Variants in ZCCHC7 observed in about 807,000 individuals in gnomAD.
ZCCHC7 encodes the protein zinc finger CCHC-type containing 7.
Under a neutral mutation model 52.0 loss-of-function variants are expected in ZCCHC7, and 35 were observed. The observed-to-expected ratio is 0.67, with a 90% confidence interval of 0.51 to 0.89. ZCCHC7 has a LOEUF of 0.89. Ranked by LOEUF, ZCCHC7 falls within the 40% of genes least tolerant of loss-of-function variation. The probability of loss-of-function intolerance (pLI) is 0.00; values close to 1 mark genes in which losing one functional copy is unlikely to be tolerated. For missense variants in ZCCHC7, 574 were observed against 649.1 expected (o/e 0.88, Z 1.26); for synonymous variants, 217 against 221.5 (o/e 0.98, Z 0.18).
At chr9:37,352,511 C>CTTTTTTTTTTTTTTTTTTTTTTTTTTTTT (rs869266535) in intron 7 of ZCCHC7, among the ~76,000 whole-genome samples, 5 of 81,576 alleles carry the variant, frequency 6.1e-5, no homozygotes, top group South Asian at 5.1e-4. Flanking sequence ...ACAATTTGCT[C>CTTTTTTTTTTTTTTTTTTTTTTTTTTTTT]TTTTTTTTTT....
chr9:37,128,460 A>G (rs770240491), intron 2 of ZCCHC7, among the ~76,000 whole-genome samples: 6 of 152,214 alleles, frequency 3.9e-5, no homozygotes, highest in Non-Finnish European at 8.8e-5. Flanking sequence ...TATTTTGAAG[A>G]TGACAACCTG....
At chr9:37,287,689 A>G (rs977952261) in intron 2 of ZCCHC7, among the ~76,000 whole-genome samples, 1 of 152,190 alleles carries the variant, frequency 6.6e-6, no homozygotes. Context: ...TTACACACAA[A>G]AAAGTACCTT....
Position 37,327,790 on chromosome 9 carries a change from A to G in ZCCHC7, c.952-9A>G, listed in dbSNP as rs1410850049. The G allele has an allele frequency of 1.9e-6, 3 of 1,612,788 alleles. No homozygotes were observed. Among genetic ancestry groups the G allele is most frequent in the African/African-American group, 2.7e-5 (2 of 74,838 alleles). On this transcript the variant is annotated splice_polypyrimidine_tract_variant and intron_variant, in intron 5 of 8. Coordinates refer to ENST00000336755, the MANE Select transcript of ZCCHC7 (RefSeq NM_032226.3). Reference sequence around the variant, plus strand: ...ATGCTCCCAGCTGATCAATATTTTTATTTTCCAGGCTTGCACAGAAATCTG... The same window carrying G: ...ATGCTCCCAGCTGATCAATATTTTTGTTTTCCAGGCTTGCACAGAAATCTG...
rs561504056 is a variant in ZCCHC7, at chr9:37,237,619, C to G, written c.611-64569C>G. On this transcript the variant is annotated intron_variant, in intron 2 of 8. Transcript: ENST00000336755. ...ATTTTCACACAATGGTCACTTAGTT[C>G]AAATAATTCATAAATTTTTGGCATC... is the stretch of plus-strand genomic sequence containing the variant. 4.6e-5 allele frequency among the ~76,000 whole-genome samples: 7 copies of G among 152,266 alleles called. No homozygotes were observed. In the East Asian group the frequency reaches 1.2e-3, roughly 25 times the overall value.
chr9:37,220,226 A>G (rs1222159762), intron 2 of ZCCHC7, among the ~76,000 whole-genome samples: 1 of 152,150 alleles, frequency 6.6e-6, no homozygotes, highest in Non-Finnish European at 1.5e-5. Context: ...TTAGACTGTT[A>G]AGATTGGTGG....
chr9:37,207,662 G>A (rs1271336521), intron 2 of ZCCHC7, among the ~76,000 whole-genome samples: 1 of 150,970 alleles, frequency 6.6e-6, no homozygotes, highest in Non-Finnish European at 1.5e-5. Flanking sequence ...TCGATTTTCT[G>A]TTTGTCGGAT....
chr9:37,155,889 T>A lies in ZCCHC7; in HGVS notation c.610+28947T>A, dbSNP rs189725486. Among the ~76,000 whole-genome samples, 368 of 152,300 alleles carry A rather than the reference T, an allele frequency of 2.4e-3. 1 individual carries two copies. The highest frequency in any genetic ancestry group is 8.3e-3 in the African/African-American group (343 of 41,566). Reference sequence around the variant, plus strand: ...TCACTTCATAAATATTTATTGAGTGTTTTTCTTGTTAAGCACTAGATAAAC... The same window carrying A: ...TCACTTCATAAATATTTATTGAGTGATTTTCTTGTTAAGCACTAGATAAAC... On this transcript the variant is annotated intron_variant, in intron 2 of 8. Coordinates refer to ENST00000336755, the MANE Select transcript of ZCCHC7 (RefSeq NM_032226.3).
At chr9:37,141,515 A>G (rs1220939681) in intron 2 of ZCCHC7, among the ~76,000 whole-genome samples, 1 of 151,882 alleles carries the variant, frequency 6.6e-6, no homozygotes, top group Non-Finnish European at 1.5e-5. Flanking sequence ...TGTTAGTGTT[A>G]TGCATGAAAT....
chr9:37,341,269 A>G (rs1820621285), intron 6 of ZCCHC7, among the ~76,000 whole-genome samples: 1 of 152,184 alleles, frequency 6.6e-6, no homozygotes, highest in Non-Finnish European at 1.5e-5. Context: ...TAATATATTT[A>G]AGCATGATTT....
At chr9:37,303,289 G>A (rs1006919121) in intron 3 of ZCCHC7, among the ~76,000 whole-genome samples, 4 of 152,004 alleles carry the variant, frequency 2.6e-5, no homozygotes, top group Non-Finnish European at 5.9e-5. Context: ...GCCAGGTGTG[G>A]TGGCGGGCGC....
intron 7 of ZCCHC7, among the ~76,000 whole-genome samples, chr9:37,352,331 T>C (rs998427918): frequency 2.6e-5 from 4 of 152,056 alleles, no homozygotes; most frequent in Non-Finnish European, 5.9e-5. Context: ...ACATTGCCCT[T>C]CCCTAATTTC....
At position 37,354,805 on chromosome 9, in the gene ZCCHC7, A is replaced by G; in HGVS notation, c.1179A>G (p.Arg393=). 6.2e-7 allele frequency: 1 copy of G among 1,607,550 alleles called. No homozygotes were observed. Among genetic ancestry groups the G allele is most frequent in the Non-Finnish European group, 8.5e-7 (1 of 1,175,148 alleles). ...DKYEIQEREK[R]LKQKIKVLKK... ...ATGAAATTCAGGAGAGAGAAAAGAG[A>G]CTAAAACAAAAAATAAAAGGTATGT... The change falls in exon 8 of 9, where the codon AGA becomes AGG. Residue 393 remains arginine (R), a synonymous_variant. Transcript: ENST00000336755. The surrounding 1 kb of genome is among the most constrained non-coding windows in gnomAD (Gnocchi z 4.0).
intron 5 of ZCCHC7, among the ~76,000 whole-genome samples, chr9:37,315,211 A>G (rs1488318990): frequency 6.6e-6 from 1 of 152,146 alleles, no homozygotes; most frequent in African/African-American, 2.4e-5. Flanking sequence ...TAAATGGGAT[A>G]AAGTATACAT....
At chr9:37,336,973 T>A (rs1830696490) in intron 6 of ZCCHC7, among the ~76,000 whole-genome samples, 1 of 152,108 alleles carries the variant, frequency 6.6e-6, no homozygotes. Context: ...TCCCGCATGC[T>A]ATGAATGGCA....
intron 2 of ZCCHC7, among the ~76,000 whole-genome samples, chr9:37,181,432 A>C (rs1822347932): frequency 6.6e-6 from 1 of 152,238 alleles, no homozygotes; most frequent in South Asian, 2.1e-4. Context: ...CATTTATAGC[A>C]GCATTATTCA....
intron 1 of ZCCHC7, among the ~76,000 whole-genome samples, chr9:37,124,545 TG>T (rs1842459729): frequency 6.6e-6 from 1 of 152,160 alleles, no homozygotes; most frequent in African/African-American, 2.4e-5. Flanking sequence ...CCTGCCCTCC[TG>T]GGATTTGTGA....
chr9:37,173,319 A>G (rs902859888), intron 2 of ZCCHC7, among the ~76,000 whole-genome samples: 12 of 152,224 alleles, frequency 7.9e-5, no homozygotes, highest in Non-Finnish European at 1.6e-4. Flanking sequence ...CTGATTATGA[A>G]GTTTCCATTA....
intron 1 of ZCCHC7, among the ~76,000 whole-genome samples, chr9:37,124,907 A>G (rs115217861): frequency 0.047 from 7,189 of 152,264 alleles, 550 homozygotes; most frequent in African/African-American, 0.16. Context: ...GGTGAAGTGC[A>G]GTGGCATGAT....
chr9:37,166,433 T>TA (rs1298153467), intron 2 of ZCCHC7, among the ~76,000 whole-genome samples: 1 of 152,114 alleles, frequency 6.6e-6, no homozygotes, highest in Admixed American at 6.5e-5. Context: ...TCTCTAGTGA[T>TA]ACCACTTTTC....
Sources: gnomAD v4.1 joint callset for allele counts (sites outside exome capture counted in the v4.1 genomes callset) on GRCh38, gnomAD v4.1.1 for gene constraint, Gnocchi (gnomAD v3.1) non-coding constraint, MANE v1.5 for transcripts, NCBI Gene and HGNC (gene_info 2026-07-23, HGNC 2026-07-21) for gene names.